The following PTPRD variants were observed in gnomAD, a reference collection of about 807,000 sequenced individuals.
PTPRD encodes the protein receptor-type tyrosine-protein phosphatase delta.
A neutral mutation model predicts 214.5 loss-of-function variants in PTPRD; 34 were observed. The observed-to-expected ratio is 0.16, with a 90% CI of 0.12 to 0.21. The LOEUF (loss-of-function observed/expected upper bound fraction) is 0.21, where lower values mean the gene tolerates loss of function less well. Ranked by LOEUF, PTPRD falls within the 10% of genes least tolerant of loss-of-function variation. The probability of loss-of-function intolerance (pLI) is 1.00; values close to 1 mark genes in which losing one functional copy is unlikely to be tolerated. For synonymous variants in PTPRD, 1,128 were observed against 845.7 expected, an observed-to-expected ratio of 1.33 and a Z score of -5.79; for missense variants, 2,545 against 2,398.7, an observed-to-expected ratio of 1.06 and a Z score of -1.27.
chr9:9,617,971 C>T (rs2094988469), intron 7 of PTPRD, among the ~76,000 whole-genome samples: 1 of 146,154 alleles, frequency 6.8e-6, no homozygotes, highest in Non-Finnish European at 1.5e-5. Flanking sequence ...ACTCGGGAGC[C>T]TGAGGCAGGA....
At chr9:9,700,217 C>T (rs1345741971) in intron 7 of PTPRD, among the ~76,000 whole-genome samples, 2 of 152,062 alleles carry the variant, frequency 1.3e-5, no homozygotes, top group Admixed American at 6.6e-5. Context: ...ATACATTAAA[C>T]TTCTACATAA....
intron 3 of PTPRD, among the ~76,000 whole-genome samples, chr9:10,281,814 C>T (rs536390626): frequency 4.7e-4 from 72 of 152,080 alleles, no homozygotes; most frequent in African/African-American, 1.7e-3. Context: ...AAAAATGACT[C>T]GAAAGGTTTT....
At chr9:9,034,549 C>A (rs2099615574) in intron 10 of PTPRD, among the ~76,000 whole-genome samples, 1 of 152,068 alleles carries the variant, frequency 6.6e-6, no homozygotes, top group Non-Finnish European at 1.5e-5. Context: ...TTGAGGTAGT[C>A]TTTTTTTACT....
intron 3 of PTPRD, among the ~76,000 whole-genome samples, chr9:10,114,698 G>T (rs779390787): frequency 6.6e-6 from 1 of 151,916 alleles, no homozygotes; most frequent in Non-Finnish European, 1.5e-5. Context: ...AAATTGTATA[G>T]CTTCCTTGTG....
chr9:8,729,978 C>T (rs894038859), intron 12 of PTPRD, among the ~76,000 whole-genome samples: 4 of 152,300 alleles, frequency 2.6e-5, no homozygotes, highest in South Asian at 2.1e-4. Context: ...GAGTATAGGC[C>T]GGGCGTGGTG....
intron 2 of PTPRD, among the ~76,000 whole-genome samples, chr9:10,527,618 AC>A (rs1340654841): frequency 6.6e-6 from 1 of 152,164 alleles, no homozygotes; most frequent in African/African-American, 2.4e-5. Context: ...GGAAAATGAA[AC>A]AACAGGAGGT....
intron 14 of PTPRD, among the ~76,000 whole-genome samples, chr9:8,555,954 G>A (rs1279319859): frequency 6.6e-6 from 1 of 152,184 alleles, no homozygotes; most frequent in Non-Finnish European, 1.5e-5. Flanking sequence ...GCAGATCTGT[G>A]AAGACATCTT....
chr9:10,079,381 G>A (rs973806488), intron 3 of PTPRD, among the ~76,000 whole-genome samples: 1 of 152,074 alleles, frequency 6.6e-6, no homozygotes, highest in African/African-American at 2.4e-5. Flanking sequence ...ACTAAAATAT[G>A]TATTGGCAGG....
chr9:10,074,518 G>A (rs972475690), intron 3 of PTPRD, among the ~76,000 whole-genome samples: 1 of 152,100 alleles, frequency 6.6e-6, no homozygotes, highest in Non-Finnish European at 1.5e-5. Flanking sequence ...GAACATTAGA[G>A]GATCTGATTA....
intron 11 of PTPRD, among the ~76,000 whole-genome samples, chr9:8,778,270 T>G (rs10977295): frequency 0.11 from 16,467 of 152,270 alleles, 975 homozygotes; most frequent in Middle Eastern, 0.13. Flanking sequence ...GTAATAAAGA[T>G]TATTCCCTTC....
At chr9:9,327,938 A>G (rs1385425440) in intron 9 of PTPRD, among the ~76,000 whole-genome samples, 1 of 151,892 alleles carries the variant, frequency 6.6e-6, no homozygotes, top group Non-Finnish European at 1.5e-5. Context: ...AAAATTCATA[A>G]TATTTTAAGA....
intron 35 of PTPRD, among the ~76,000 whole-genome samples, chr9:8,429,119 A>T (rs9792633): frequency 6.6e-6 from 1 of 152,238 alleles, no homozygotes; most frequent in African/African-American, 2.4e-5. Context: ...GGTAACTATG[A>T]CATTTTCACA....
chr9:9,460,916 G>C (rs955664658), intron 8 of PTPRD, among the ~76,000 whole-genome samples: 1 of 151,942 alleles, frequency 6.6e-6, no homozygotes, highest in Non-Finnish European at 1.5e-5. Flanking sequence ...AGTCATGTAA[G>C]CAACCTAAGT....
intron 9 of PTPRD, among the ~76,000 whole-genome samples, chr9:9,219,446 C>G (rs2099954398): frequency 6.6e-6 from 1 of 151,720 alleles, no homozygotes; most frequent in Non-Finnish European, 1.5e-5. Context: ...AGCAAGGAAT[C>G]TAATACCAAA....
intron 3 of PTPRD, among the ~76,000 whole-genome samples, chr9:10,263,596 C>T (rs62541411): frequency 0.15 from 23,216 of 151,800 alleles, 1,850 homozygotes; most frequent in Non-Finnish European, 0.16. Flanking sequence ...AGGTATCTGG[C>T]GGAAGAAATT....
intron 39 of PTPRD, among the ~76,000 whole-genome samples, chr9:8,354,236 G>C (rs1208007540): frequency 6.6e-6 from 1 of 151,450 alleles, no homozygotes; most frequent in African/African-American, 2.4e-5. Flanking sequence ...AGAATCCATA[G>C]TTCATCAATG....
At chr9:10,110,762 C>G (rs1038647561) in intron 3 of PTPRD, among the ~76,000 whole-genome samples, 1 of 152,128 alleles carries the variant, frequency 6.6e-6, no homozygotes, top group Non-Finnish European at 1.5e-5. Context: ...TAGCTCCTGG[C>G]TAATTGAGAG....
chr9:8,844,249 C>T (rs2097639725), intron 11 of PTPRD, among the ~76,000 whole-genome samples: 1 of 152,172 alleles, frequency 6.6e-6, no homozygotes, highest in Non-Finnish European at 1.5e-5. Context: ...TTATTTCTCT[C>T]AACACTAGTT....
In PTPRD at chr9:10,472,585, T is replaced by C. The variant is rs1231026691; in HGVS notation, c.-599-131568A>G. Reference sequence around the variant, plus strand: ...ATTCACAAGGCTGAGCAGGAGCTCTTGAGCATCTTCACAATGTTTGGGATA... The same window carrying C: ...ATTCACAAGGCTGAGCAGGAGCTCTCGAGCATCTTCACAATGTTTGGGATA... On this transcript the variant is annotated intron_variant, in intron 2 of 45. Coordinates refer to ENST00000381196, the MANE Select transcript of PTPRD (RefSeq NM_002839.4). Among the ~76,000 whole-genome samples the C allele has an allele frequency of 2.0e-5, 3 of 152,126 alleles. No homozygotes were observed. In the East Asian group the frequency reaches 5.8e-4, roughly 29 times the overall value.
Sources: gnomAD v4.1 joint callset for allele counts (sites outside exome capture counted in the v4.1 genomes callset) on GRCh38, gnomAD v4.1.1 for gene constraint, MANE v1.5 for transcripts, NCBI Gene and HGNC (gene_info 2026-07-23, HGNC 2026-07-21) for gene names.